Variants in CACNA1A observed in about 807,000 individuals in gnomAD.
CACNA1A encodes the protein voltage-dependent P/Q-type calcium channel subunit alpha-1A.
CACNA1A carries 57 observed loss-of-function variants against 262.4 expected under a neutral mutation model. The observed-to-expected ratio is 0.22, with a 90% CI of 0.18 to 0.27. The LOEUF (loss-of-function observed/expected upper bound fraction) is 0.27. Among genes scored for constraint, CACNA1A ranks in the 10% least tolerant of loss-of-function variants. The pLI is 1.00. For missense variants in CACNA1A, 2,526 were observed against 3,562.8 expected (o/e 0.71, Z 7.41); for synonymous variants, 1,431 against 1,419.3 (o/e 1.01, Z -0.18).
At chr19:13,361,550 A>C (rs143471970) in intron 5 of CACNA1A, among the ~76,000 whole-genome samples, 2 of 152,316 alleles carry the variant, frequency 1.3e-5, no homozygotes, top group East Asian at 1.9e-4. Context: ...CAACAAAAAT[A>C]TCTCTCAATG....
At chr19:13,405,579 ACTGTT>A (rs763693162) in intron 3 of CACNA1A, among the ~76,000 whole-genome samples, 11 of 152,290 alleles carry the variant, frequency 7.2e-5, no homozygotes, top group Non-Finnish European at 1.3e-4. Context: ...GGAGCCGGAT[ACTGTT>A]CTAAGAGCTG....
intron 29 of CACNA1A, among the ~76,000 whole-genome samples, chr19:13,253,445 C>CTTT (rs57960659): frequency 0.035 from 3,282 of 94,188 alleles, 369 homozygotes; most frequent in South Asian, 0.053. Flanking sequence ...CTGAATTATA[C>CTTT]TTTTTTTTTT....
At chr19:13,318,890 C>CTTTTTTTTTTGTTTTTTTT in intron 10 of CACNA1A, among the ~76,000 whole-genome samples, 1 of 114,668 alleles carries the variant, frequency 8.7e-6, no homozygotes, top group Admixed American at 9.2e-5. Context: ...TAAAATACAT[C>CTTTTTTTTTTGTTTTTTTT]TTTTTTTTTT....
At chr19:13,321,452 G>A (rs959696607) in intron 10 of CACNA1A, among the ~76,000 whole-genome samples, 2 of 152,140 alleles carry the variant, frequency 1.3e-5, no homozygotes, top group African/African-American at 4.8e-5. Flanking sequence ...ACAGCCATGT[G>A]TGGCTTAATG....
rs182224989 is a variant in CACNA1A at position 13,393,985 on chromosome 19, G to A, written c.540-22206C>T. Among the ~76,000 whole-genome samples the A allele has an allele frequency of 3.3e-5, 5 of 152,150 alleles. No homozygotes were observed. In the East Asian group the frequency reaches 9.6e-4, roughly 29 times the overall value. ...TGAACTAGGCGCTGGTTACATGACT[G>A]GGCTCAGTTTTTGAAAATCACTCAA... On this transcript the variant is annotated intron_variant, in intron 3 of 46. Transcript: ENST00000360228.
rs2054914206 is a variant in CACNA1A at position 13,214,162 on chromosome 19, AGTTG to A, written c.5940+67_5940+70del. ...TGGGGCTCAGCCACCCTCATATTCC[AGTTG>A]GTTCCCGTGGTGACATGCAAGCCAC... On this transcript the variant is annotated intron_variant, in intron 40 of 46. Transcript: ENST00000360228. This position sits in a 1 kb window ranked among gnomAD's most constrained non-coding sequence, Gnocchi z 4.1. 2 of 1,265,078 alleles carry A rather than the reference AGTTG, an allele frequency of 1.6e-6. No homozygotes were observed. Among genetic ancestry groups the A allele is most frequent in the Non-Finnish European group, 2.2e-6 (2 of 896,398 alleles). The allele number at this position is 1,265,078 out of a possible 1,614,324, so 78.4% of individuals were successfully genotyped here.
At chr19:13,349,063 C>G (rs2058852362) in intron 6 of CACNA1A, among the ~76,000 whole-genome samples, 1 of 146,530 alleles carries the variant, frequency 6.8e-6, no homozygotes, top group Non-Finnish European at 1.5e-5. Context: ...AAGAAAGAGT[C>G]AGAGAGAGAC....
rs2054944128 is a variant in CACNA1A at position 13,214,935 on chromosome 19, C to T, written c.5732-327G>A. 1 of 288,094 alleles carries T rather than the reference C, an allele frequency of 3.5e-6. No homozygotes were observed. The highest frequency in any genetic ancestry group is 6.2e-5 in the South Asian group (1 of 16,020). 17.8% of individuals were successfully genotyped at this position (288,094 alleles called of 1,614,324 possible). A position where few individuals can be genotyped will look rare whatever the true frequency, so the allele number is the denominator to read the frequency against. On this transcript the variant is annotated intron_variant, in intron 38 of 46. Coordinates refer to ENST00000360228, the MANE Select transcript of CACNA1A (RefSeq NM_001127222.2). The surrounding 1 kb of genome is among the most constrained non-coding windows in gnomAD (Gnocchi z 4.1). ...CTTAGGTTACTCTACCACTTAGTAACTCAGTTTCTCCATCTGTGAAATGGA... is the reference window on the plus strand; with the variant it reads ...CTTAGGTTACTCTACCACTTAGTAATTCAGTTTCTCCATCTGTGAAATGGA...
At chr19:13,483,841 T>C (rs1979657643) in intron 1 of CACNA1A, among the ~76,000 whole-genome samples, 1 of 152,082 alleles carries the variant, frequency 6.6e-6, no homozygotes, top group Non-Finnish European at 1.5e-5. Context: ...CTCTTCCAAG[T>C]AAAGGGAACT....
At chr19:13,240,845 G>T (rs903954737) in intron 31 of CACNA1A, among the ~76,000 whole-genome samples, 8 of 152,244 alleles carry the variant, frequency 5.3e-5, no homozygotes, top group African/African-American at 1.9e-4. Context: ...CTGTGTGACT[G>T]CGTGTGCACG....
chr19:13,374,224 A>T (rs532417660), intron 3 of CACNA1A, among the ~76,000 whole-genome samples: 23 of 152,252 alleles, frequency 1.5e-4, no homozygotes, highest in Non-Finnish European at 3.2e-4. Flanking sequence ...GGGCCATGAC[A>T]TACAACTTTA....
rs537436320 is a variant in CACNA1A at position 13,489,855 on chromosome 19, C to T, written c.293+16077G>A. Among the ~76,000 whole-genome samples the T allele has an allele frequency of 3.3e-5, 5 of 152,300 alleles. No individual in the cohort carries two copies. In the East Asian group the frequency reaches 9.7e-4, roughly 29 times the overall value. On this transcript the variant is annotated intron_variant, in intron 1 of 46. Transcript: ENST00000360228. The stretch of plus-strand genomic sequence containing the variant: ...CATCTCCCCTTGGGTTTCCTCCTAT[C>T]TCAGTTTCTCAGTTGTATCTCCTGT...
At chr19:13,498,933 A>G (rs1489641515) in intron 1 of CACNA1A, among the ~76,000 whole-genome samples, 2 of 152,166 alleles carry the variant, frequency 1.3e-5, no homozygotes, top group African/African-American at 4.8e-5. Context: ...TACTCAGATA[A>G]GAACTGAGGC....
At chr19:13,426,129 C>G (rs551815185) in intron 3 of CACNA1A, among the ~76,000 whole-genome samples, 1 of 152,020 alleles carries the variant, frequency 6.6e-6, no homozygotes, top group South Asian at 2.1e-4. Context: ...ACAAGACATT[C>G]AAGAAAACAA....
At chr19:13,504,893 G>T (rs1230339923) in intron 1 of CACNA1A, among the ~76,000 whole-genome samples, 1 of 152,028 alleles carries the variant, frequency 6.6e-6, no homozygotes, top group Non-Finnish European at 1.5e-5. Context: ...AAGAAACACA[G>T]AAGATCTGCA....
At chr19:13,500,077 T>C (rs1474479801) in intron 1 of CACNA1A, among the ~76,000 whole-genome samples, 1 of 152,178 alleles carries the variant, frequency 6.6e-6, no homozygotes, top group African/African-American at 2.4e-5. Context: ...AGCACTAACA[T>C]TTCAGAAACT....
At chr19:13,234,120 C>A (rs1345760717) in intron 34 of CACNA1A, among the ~76,000 whole-genome samples, 1 of 148,602 alleles carries the variant, frequency 6.7e-6, no homozygotes, top group Non-Finnish European at 1.5e-5. Flanking sequence ...GAGGCCGAGG[C>A]GGGCGGATCA....
chr19:13,296,402 T>C (rs942134952), intron 19 of CACNA1A, among the ~76,000 whole-genome samples: 9 of 152,302 alleles, frequency 5.9e-5, no homozygotes, highest in African/African-American at 1.9e-4. Flanking sequence ...ATGTCTACGA[T>C]GTCTATTTTA....
At chr19:13,473,684 C>T (rs1167924824) in intron 1 of CACNA1A, among the ~76,000 whole-genome samples, 2 of 152,176 alleles carry the variant, frequency 1.3e-5, no homozygotes, top group Admixed American at 6.5e-5. Flanking sequence ...GGAGGAACCA[C>T]ATCTGTCCTG....
Sources: gnomAD v4.1 joint callset for allele counts (sites outside exome capture counted in the v4.1 genomes callset) on GRCh38, gnomAD v4.1.1 for gene constraint, Gnocchi (gnomAD v3.1) non-coding constraint, MANE v1.5 for transcripts, NCBI Gene and HGNC (gene_info 2026-07-23, HGNC 2026-07-21) for gene names.